Variants in STAU2 observed in about 807,000 individuals in gnomAD.
STAU2 encodes the protein staufen double-stranded RNA binding protein 2, also known as double-stranded RNA-binding protein Staufen homolog 2.
Under a neutral mutation model 65.9 loss-of-function variants are expected in STAU2, and 20 were observed. The ratio of observed to expected loss-of-function variants is 0.30; its 90% CI spans 0.21 to 0.44. STAU2 has a LOEUF of 0.44. Ranked by LOEUF, STAU2 falls within the 20% of genes least tolerant of loss-of-function variation. The pLI is 1.00. For missense variants in STAU2, 558 were observed against 683.9 expected, an observed-to-expected ratio of 0.82 and a Z score of 2.05; for synonymous variants, 232 against 233.9, an observed-to-expected ratio of 0.99 and a Z score of 0.07.
chr8:73,736,407 ACTGT>A (rs1282925020), intron 3 of STAU2, among the ~76,000 whole-genome samples: 1 of 152,234 alleles, frequency 6.6e-6, no homozygotes, highest in Non-Finnish European at 1.5e-5. Context: ...CATGAAACAA[ACTGT>A]CTAACAAGGG....
In STAU2 at chr8:73,493,991, A is replaced by G. The variant is rs112673216; in HGVS notation, c.1530+58021T>C. Among the ~76,000 whole-genome samples, 10 of 151,934 alleles carry G rather than the reference A, an allele frequency of 6.6e-5. No individual in the cohort carries two copies. The East Asian group carries it at 1.9e-3, about 30-fold the overall frequency. On this transcript the variant is annotated intron_variant, in intron 13 of 14. Transcript: ENST00000524300. ...AAGGAACATTACATTTCATTTACAT[A>G]AGGGCTGGAACAATGATTGCCTTTG...
At chr8:73,468,098 C>T (rs1304782237) in intron 13 of STAU2, among the ~76,000 whole-genome samples, 2 of 152,136 alleles carry the variant, frequency 1.3e-5, no homozygotes, top group African/African-American at 4.8e-5. Context: ...GGTACTGGTA[C>T]CAAAACAGAG....
intron 6 of STAU2, among the ~76,000 whole-genome samples, chr8:73,655,000 A>G (rs976968403): frequency 3.9e-5 from 6 of 152,166 alleles, no homozygotes; most frequent in African/African-American, 1.4e-4. Flanking sequence ...CATTTCTTAA[A>G]CCACCACATT....
At chr8:73,473,795 T>C (rs1355048768) in intron 13 of STAU2, among the ~76,000 whole-genome samples, 1 of 152,136 alleles carries the variant, frequency 6.6e-6, no homozygotes, top group Non-Finnish European at 1.5e-5. Flanking sequence ...TGAAGGTGCT[T>C]TGAGTATTAG....
At chr8:73,545,793 G>A (rs1371059341) in intron 13 of STAU2, among the ~76,000 whole-genome samples, 6 of 151,978 alleles carry the variant, frequency 3.9e-5, no homozygotes, top group East Asian at 3.9e-4. Flanking sequence ...GACTCCAGGC[G>A]CCCGCCACCA....
chr8:73,511,710 A>G (rs2128924260), intron 13 of STAU2: 1 of 152,322 alleles, frequency 6.6e-6, no homozygotes, highest in East Asian at 1.9e-4. Flanking sequence ...GTGGCTCTCA[A>G]TTTTCATTTT....
intron 11 of STAU2, among the ~76,000 whole-genome samples, chr8:73,587,178 CCTTCCCAACTCCGTGAAAATTTA>C (rs1240401391): frequency 6.6e-6 from 1 of 152,074 alleles, no homozygotes; most frequent in Non-Finnish European, 1.5e-5. Context: ...GGGTGCGATG[CCTTCCCAACTCCGTGAAAATTTA>C]CTTCCAATTT....
chr8:73,624,284 T>C (rs1813481936), intron 6 of STAU2, among the ~76,000 whole-genome samples: 2 of 152,176 alleles, frequency 1.3e-5, no homozygotes, highest in Non-Finnish European at 2.9e-5. Context: ...ACTTGTACTG[T>C]ATCACTGACA....
rs569600617 is a variant in STAU2 at position 73,471,817 on chromosome 8, T to TAAAAAAAAAA, written c.1531-49125_1531-49116dup. Among the ~76,000 whole-genome samples the TAAAAAAAAAA allele has an allele frequency of 3.0e-3, 258 of 86,764 alleles. 5 individuals are homozygous for TAAAAAAAAAA. Among genetic ancestry groups the TAAAAAAAAAA allele is most frequent in the Non-Finnish European group, 4.5e-3 (212 of 47,048 alleles). The allele number at this position is 86,764 out of a possible 152,430, so 56.9% of individuals were successfully genotyped here. ...TGGGCAACAAGGGCGAGACTCCAAC[T>TAAAAAAAAAA]AAAAAAAAAAAAAAAAAAAAGAGAG... On this transcript the variant is annotated intron_variant, in intron 13 of 14. Transcript: ENST00000524300.
At chr8:73,573,321 T>A (rs1211905271) in intron 12 of STAU2, among the ~76,000 whole-genome samples, 2 of 152,236 alleles carry the variant, frequency 1.3e-5, no homozygotes, top group African/African-American at 2.4e-5. Context: ...AAAATGGGCA[T>A]ACTGCCCAAG....
At chr8:73,610,329 G>C (rs1161476407) in intron 9 of STAU2, among the ~76,000 whole-genome samples, 1 of 151,342 alleles carries the variant, frequency 6.6e-6, no homozygotes, top group African/African-American at 2.4e-5. Flanking sequence ...TTTAGGTCAG[G>C]AGTTCAAGAC....
In STAU2 at chr8:73,577,896, T is replaced by C. The variant is rs1400686740; in HGVS notation, c.1222+4874A>G. Among the ~76,000 whole-genome samples, 6 of 152,332 alleles carry C rather than the reference T, an allele frequency of 3.9e-5. No individual in the cohort carries two copies. In the East Asian group the frequency reaches 5.8e-4, roughly 15 times the overall value. On this transcript the variant is annotated intron_variant, in intron 12 of 14. Transcript: ENST00000524300. Reference sequence around the variant, plus strand: ...CTTTGGCCATTGGGGTGTTTGCCTTTTTTTAAAAAATTGACTTTTATGTGT... The same window carrying C: ...CTTTGGCCATTGGGGTGTTTGCCTTCTTTTAAAAAATTGACTTTTATGTGT...
At chr8:73,490,930 A>G (rs1351460348) in intron 13 of STAU2, among the ~76,000 whole-genome samples, 1 of 152,054 alleles carries the variant, frequency 6.6e-6, no homozygotes, top group Admixed American at 6.6e-5. Flanking sequence ...TTAAAGTCGT[A>G]AGTTCTTACA....
intron 3 of STAU2, among the ~76,000 whole-genome samples, chr8:73,709,788 T>C (rs2130647152): frequency 6.6e-6 from 1 of 152,026 alleles, no homozygotes; most frequent in East Asian, 1.9e-4. Flanking sequence ...TTAACTCTTA[T>C]TAAAAAAAAA....
intron 6 of STAU2, among the ~76,000 whole-genome samples, chr8:73,630,174 T>TA (rs1813981201): frequency 6.6e-6 from 1 of 152,260 alleles, no homozygotes; most frequent in Non-Finnish European, 1.5e-5. Context: ...ACAAATCCTC[T>TA]GGGGAATGCA....
intron 13 of STAU2, among the ~76,000 whole-genome samples, chr8:73,516,738 C>A (rs990012921): frequency 1.3e-5 from 2 of 152,090 alleles, no homozygotes; most frequent in African/African-American, 4.8e-5. Flanking sequence ...ATACGCAACA[C>A]CATAATTTAA....
chr8:73,520,848 G>A (rs1183354995), intron 13 of STAU2, among the ~76,000 whole-genome samples: 1 of 152,158 alleles, frequency 6.6e-6, no homozygotes, highest in Admixed American at 6.5e-5. Flanking sequence ...CAACCCTGGA[G>A]CTCACCCTTC....
intron 3 of STAU2, among the ~76,000 whole-genome samples, chr8:73,734,166 A>G (rs1474767363): frequency 6.6e-6 from 1 of 151,648 alleles, no homozygotes; most frequent in Non-Finnish European, 1.5e-5. Context: ...CCAAAATGTT[A>G]CCAGTGATTA....
chr8:73,552,454 T>C (rs1251230396), intron 12 of STAU2, 135 bp from the exon 13 acceptor site: 2 of 768,978 alleles, frequency 2.6e-6, no homozygotes, highest in Non-Finnish European at 2.0e-6. Context: ...ATCTTTGTCA[T>C]ACTGTAGAGG....
Sources: gnomAD v4.1 joint callset for allele counts (sites outside exome capture counted in the v4.1 genomes callset) on GRCh38, gnomAD v4.1.1 for gene constraint, MANE v1.5 for transcripts, NCBI Gene and HGNC (gene_info 2026-07-23, HGNC 2026-07-21) for gene names.